MEI4: variants seen among roughly 807,000 people sequenced by gnomAD.
The protein encoded by MEI4 is meiosis-specific protein MEI4.
In MEI4, 27 loss-of-function variants were observed where a neutral mutation model predicts 31.4. That is an observed-to-expected ratio of 0.86 (90% CI 0.63 to 1.19). The LOEUF (loss-of-function observed/expected upper bound fraction) is 1.19. Among genes scored for constraint, MEI4 ranks in the 50% most tolerant of loss-of-function variants. The probability of loss-of-function intolerance (pLI) is 0.00; values close to 1 mark genes in which losing one functional copy is unlikely to be tolerated. For synonymous variants in MEI4, 122 were observed against 145.4 expected, an observed-to-expected ratio of 0.84 and a Z score of 1.16; for missense variants, 329 against 398.9, an observed-to-expected ratio of 0.82 and a Z score of 1.49.
At chr6:77,795,697 C>T (rs1341321319) in intron 3 of MEI4, among the ~76,000 whole-genome samples, 1 of 151,560 alleles carries the variant, frequency 6.6e-6, no homozygotes, top group Admixed American at 6.6e-5. Context: ...AATACACAAC[C>T]TACCAAGACT....
At chr6:77,795,202 AAAT>A (rs1769044344) in intron 3 of MEI4, among the ~76,000 whole-genome samples, 1 of 152,194 alleles carries the variant, frequency 6.6e-6, no homozygotes. Flanking sequence ...ATAATGAAGG[AAAT>A]AATAATGATT....
At chr6:77,922,754 T>C (rs1766734341) in intron 4 of MEI4, among the ~76,000 whole-genome samples, 1 of 151,714 alleles carries the variant, frequency 6.6e-6, no homozygotes, top group African/African-American at 2.4e-5. Flanking sequence ...TGGCAAAAGA[T>C]TGAATTTAAC....
Position 77,800,276 on chromosome 6 carries a change from T to G in MEI4, c.769-28655T>G, listed in dbSNP as rs1403625811. 3.9e-5 allele frequency among the ~76,000 whole-genome samples: 6 copies of G among 152,164 alleles called. No individual in the cohort carries two copies. In the East Asian group the frequency reaches 1.2e-3, roughly 29 times the overall value. ...GAAGCAATTGTGAATGGGAGTTCAC[T>G]CATGATTCGGCTCTCTGTTTGTCTG... is the stretch of plus-strand genomic sequence containing the variant. On this transcript the variant is annotated intron_variant, in intron 3 of 4. Transcript: ENST00000684080.
intron 4 of MEI4, among the ~76,000 whole-genome samples, chr6:77,900,528 A>G (rs1198084661): frequency 6.6e-6 from 1 of 151,930 alleles, no homozygotes; most frequent in Non-Finnish European, 1.5e-5. Context: ...TAAAACAAAT[A>G]TATAACTAAC....
intron 3 of MEI4, among the ~76,000 whole-genome samples, chr6:77,785,072 T>C (rs1582138683): frequency 6.6e-6 from 1 of 152,134 alleles, no homozygotes; most frequent in Non-Finnish European, 1.5e-5. Flanking sequence ...TGAACTAAGA[T>C]AGTATAGAAT....
intron 3 of MEI4, among the ~76,000 whole-genome samples, chr6:77,770,578 G>A (rs759772367): frequency 1.6e-4 from 24 of 151,538 alleles, no homozygotes; most frequent in African/African-American, 5.6e-4. Flanking sequence ...AAAGCTGGAG[G>A]CATCACGTTA....
rs560094397 is a variant in MEI4 at position 77,907,614 on chromosome 6, T to G, written c.901-15475T>G. On this transcript the variant is annotated intron_variant, in intron 4 of 4. Transcript: ENST00000684080. ...AATAAACATATGTGTGCATGTGTCC[T>G]TATAGCAGCATGTTTTATAATCCTT... is the stretch of plus-strand genomic sequence containing the variant. Among the ~76,000 whole-genome samples the G allele has an allele frequency of 1.4e-3, 211 of 152,310 alleles. 1 individual carries two copies. The highest frequency in any genetic ancestry group is 4.5e-3 in the African/African-American group (185 of 41,566).
At chr6:77,791,426 C>CA (rs1224677103) in intron 3 of MEI4, among the ~76,000 whole-genome samples, 1 of 149,058 alleles carries the variant, frequency 6.7e-6, no homozygotes, top group Non-Finnish European at 1.5e-5. Flanking sequence ...TAAACTATCG[C>CA]AAGAACAAAA....
intron 4 of MEI4, among the ~76,000 whole-genome samples, chr6:77,871,287 A>G (rs1171770315): frequency 6.6e-6 from 1 of 152,156 alleles, no homozygotes; most frequent in Non-Finnish European, 1.5e-5. Context: ...CTTTCTTCCT[A>G]TTAAAACACA....
chr6:77,764,399 ACT>A (rs1582117258), intron 3 of MEI4, among the ~76,000 whole-genome samples: 2 of 151,394 alleles, frequency 1.3e-5, no homozygotes, highest in African/African-American at 4.8e-5. Flanking sequence ...CAAAAAGCAA[ACT>A]CTTATTTTTT....
intron 1 of MEI4, among the ~76,000 whole-genome samples, chr6:77,656,151 T>C (rs1322039680): frequency 6.6e-6 from 1 of 152,156 alleles, no homozygotes; most frequent in East Asian, 1.9e-4. Flanking sequence ...ACATGTGCTT[T>C]AGATTAATCT....
intron 2 of MEI4, among the ~76,000 whole-genome samples, chr6:77,752,890 G>A (rs1767813669): frequency 6.6e-6 from 1 of 152,148 alleles, no homozygotes; most frequent in Admixed American, 6.5e-5. Flanking sequence ...CATGGTACTG[G>A]TACCAAAACA....
intron 2 of MEI4, among the ~76,000 whole-genome samples, chr6:77,751,645 G>A (rs548824460): frequency 6.6e-6 from 1 of 152,128 alleles, no homozygotes; most frequent in African/African-American, 2.4e-5. Flanking sequence ...ACCAAAAAAA[G>A]TCCAGGACCA....
At chr6:77,795,764 T>TACATCA (rs1769058570) in intron 3 of MEI4, among the ~76,000 whole-genome samples, 1 of 149,930 alleles carries the variant, frequency 6.7e-6, no homozygotes, top group Non-Finnish European at 1.5e-5. Flanking sequence ...GAGATTGCAT[T>TACATCA]GGAAAAAAAA....
In MEI4 at chr6:77,747,424, G is replaced by C. The variant is rs139568003; in HGVS notation, c.233-13706G>C. 1.4e-3 allele frequency among the ~76,000 whole-genome samples: 212 copies of C among 152,254 alleles called. 1 individual carries two copies. The highest frequency in any genetic ancestry group is 4.5e-3 in the African/African-American group (186 of 41,556). ...AATGGCTAGGGAGCCCTCAGGAAAC[G>C]CACAGTCATGGTAGAAGGGGACACA... On this transcript the variant is annotated intron_variant, in intron 2 of 4. Transcript: ENST00000684080.
In MEI4 at chr6:77,677,575, C is replaced by G. The variant is rs554714597; in HGVS notation, c.-14-13083C>G. Reference sequence around the variant, plus strand: ...TTTTCTCCTATTGTCCTGTTTGGACCTTTCATTTCTCAGACAGAAGTAGGA... The same window carrying G: ...TTTTCTCCTATTGTCCTGTTTGGACGTTTCATTTCTCAGACAGAAGTAGGA... On this transcript the variant is annotated intron_variant, in intron 1 of 4. Coordinates refer to ENST00000684080, the MANE Select transcript of MEI4 (RefSeq NM_001322247.2). Among the ~76,000 whole-genome samples the G allele has an allele frequency of 2.0e-5, 3 of 152,138 alleles. No individual in the cohort carries two copies. In the East Asian group the frequency reaches 5.8e-4, roughly 29 times the overall value.
At chr6:77,798,882 C>T (rs1199732617) in intron 3 of MEI4, among the ~76,000 whole-genome samples, 1 of 151,686 alleles carries the variant, frequency 6.6e-6, no homozygotes, top group Non-Finnish European at 1.5e-5. Context: ...TTTCTTAATC[C>T]AGTCTATCAT....
chr6:77,739,913 T>C (rs922231774), intron 2 of MEI4, among the ~76,000 whole-genome samples: 7 of 152,310 alleles, frequency 4.6e-5, no homozygotes, highest in African/African-American at 1.4e-4. Context: ...TTGAGATCTT[T>C]CTAACTTTCT....
intron 2 of MEI4, among the ~76,000 whole-genome samples, chr6:77,704,568 C>A (rs1252867199): frequency 1.3e-5 from 2 of 152,162 alleles, no homozygotes; most frequent in Admixed American, 1.3e-4. Context: ...GTTAGAAATG[C>A]AAATTCTCAG....
Sources: allele counts gnomAD v4.1 joint callset (sites outside exome capture counted in the v4.1 genomes callset), GRCh38; gene constraint gnomAD v4.1.1; transcripts MANE v1.5; gene names NCBI Gene and HGNC (gene_info 2026-07-23, HGNC 2026-07-21).